PARD3: variants seen among roughly 807,000 people sequenced by gnomAD.
PARD3 encodes the protein par-3 family cell polarity regulator.
A neutral mutation model predicts 155.4 loss-of-function variants in PARD3; 75 were observed. The ratio of observed to expected loss-of-function variants is 0.48; its 90% CI spans 0.40 to 0.58. The LOEUF (loss-of-function observed/expected upper bound fraction) is 0.58, where lower values mean the gene tolerates loss of function less well. Ranked by LOEUF, PARD3 falls within the 20% of genes least tolerant of loss-of-function variation. The pLI, the probability that PARD3 is intolerant of heterozygous loss-of-function variation, is 0.00. For synonymous variants in PARD3, 576 were observed against 610.5 expected (o/e 0.94, Z 0.83); for missense variants, 1,642 against 1,721.7 (o/e 0.95, Z 0.82).
chr10:34,468,581 T>C (rs2078154267), intron 4 of PARD3, among the ~76,000 whole-genome samples: 1 of 152,174 alleles, frequency 6.6e-6, no homozygotes, highest in African/African-American at 2.4e-5. Context: ...TCCTCAAAAC[T>C]TACAAGCTAA....
rs146084130 is a variant in PARD3 at position 34,171,048 on chromosome 10, T to A, written c.3420-39465A>T. Among the ~76,000 whole-genome samples, 399 of 152,304 alleles carry A rather than the reference T, an allele frequency of 2.6e-3. 1 individual carries two copies. Among genetic ancestry groups the A allele is most frequent in the Non-Finnish European group, 4.0e-3 (275 of 68,020 alleles). On this transcript the variant is annotated intron_variant, in intron 22 of 24. Coordinates refer to ENST00000374788, the MANE Select transcript of PARD3 (RefSeq NM_001184785.2). ...TAAATAGAAAACATGATTAATTTGA[T>A]CATTGTTTTCCTCCACCATAAACAC...
chr10:34,606,377 A>G (rs1428895326), intron 2 of PARD3, among the ~76,000 whole-genome samples: 1 of 151,978 alleles, frequency 6.6e-6, no homozygotes, highest in East Asian at 1.9e-4. Context: ...GGCAAGTGGA[A>G]AAATCATGCC....
chr10:34,397,984 T>C (rs1465811318), intron 7 of PARD3, among the ~76,000 whole-genome samples: 2 of 152,220 alleles, frequency 1.3e-5, no homozygotes, highest in African/African-American at 2.4e-5. Flanking sequence ...AATAATATTG[T>C]TTAACTATAA....
intron 22 of PARD3, among the ~76,000 whole-genome samples, chr10:34,264,326 A>C (rs765328475): frequency 3.9e-5 from 6 of 152,200 alleles, no homozygotes; most frequent in Non-Finnish European, 7.3e-5. Flanking sequence ...TATTCAATGC[A>C]TTTCCAATAT....
At chr10:34,456,304 T>C (rs577965099) in intron 4 of PARD3, among the ~76,000 whole-genome samples, 1 of 152,146 alleles carries the variant, frequency 6.6e-6, no homozygotes, top group Admixed American at 6.5e-5. Context: ...GTCAATTTTC[T>C]TTTTTTTCTG....
intron 22 of PARD3, among the ~76,000 whole-genome samples, chr10:34,216,289 G>T (rs1951999784): frequency 6.6e-6 from 1 of 152,190 alleles, no homozygotes; most frequent in South Asian, 2.1e-4. Context: ...ACGACTACCT[G>T]CAGAGAACAA....
chr10:34,366,393 T>G (rs535645346), intron 12 of PARD3, among the ~76,000 whole-genome samples: 12 of 152,286 alleles, frequency 7.9e-5, no homozygotes, highest in African/African-American at 2.9e-4. Context: ...TAAATGCATT[T>G]TCATCATAAC....
chr10:34,143,331 A>AC (rs1234295899), intron 22 of PARD3, among the ~76,000 whole-genome samples: 2 of 152,180 alleles, frequency 1.3e-5, no homozygotes, highest in Non-Finnish European at 1.5e-5. Context: ...AACAACAACA[A>AC]AAAACTGAAA....
In PARD3 at chr10:34,311,516, G is replaced by GT. The variant is rs1957696068; in HGVS notation, c.3065+5590dup. Among the ~76,000 whole-genome samples the GT allele has an allele frequency of 2.0e-5, 3 of 152,332 alleles. No homozygotes were observed. The South Asian group carries it at 6.2e-4, about 32-fold the overall frequency. Reference sequence around the variant, plus strand: ...ACAAGAGAGAAGGCTTCAAACCACAGTAAGGACCATTGGAGATCCACCTGC... The same window carrying GT: ...ACAAGAGAGAAGGCTTCAAACCACAGTTAAGGACCATTGGAGATCCACCTGC... On this transcript the variant is annotated intron_variant, in intron 20 of 24. Coordinates refer to ENST00000374788, the MANE Select transcript of PARD3 (RefSeq NM_001184785.2).
chr10:34,489,858 C>T (rs1384159802), intron 3 of PARD3, among the ~76,000 whole-genome samples: 7 of 152,168 alleles, frequency 4.6e-5, no homozygotes, highest in African/African-American at 1.4e-4. Context: ...AAAATAGGTT[C>T]TATTATTATT....
chr10:34,671,878 A>G (rs2093616302), intron 2 of PARD3, among the ~76,000 whole-genome samples: 1 of 152,140 alleles, frequency 6.6e-6, no homozygotes, highest in African/African-American at 2.4e-5. Flanking sequence ...CTAGATTTAC[A>G]TATCACAAAA....
intron 22 of PARD3, among the ~76,000 whole-genome samples, chr10:34,154,238 G>C (rs373167993): frequency 6.6e-6 from 1 of 152,172 alleles, no homozygotes; most frequent in African/African-American, 2.4e-5. Flanking sequence ...AGGATGGCCT[G>C]TGAGACTGGA....
At chr10:34,361,832 TA>T (rs143237762) in intron 12 of PARD3, among the ~76,000 whole-genome samples, 24 of 150,032 alleles carry the variant, frequency 1.6e-4, no homozygotes, top group African/African-American at 3.9e-4. Context: ...GCTAATGGGT[TA>T]AAAAAAAAAT....
intron 2 of PARD3, among the ~76,000 whole-genome samples, chr10:34,633,148 C>T (rs1564440804): frequency 6.6e-6 from 1 of 152,118 alleles, no homozygotes; most frequent in Non-Finnish European, 1.5e-5. Context: ...TCCATCCCCT[C>T]AAATATTCAA....
intron 12 of PARD3, among the ~76,000 whole-genome samples, chr10:34,368,839 TAAAAAAA>T (rs71033310): frequency 9.2e-6 from 1 of 108,618 alleles, no homozygotes; most frequent in Non-Finnish European, 1.8e-5. Flanking sequence ...ATGAGCAATG[TAAAAAAA>T]AAAAAAAAAA....
At chr10:34,794,965 G>A (rs923610110) in intron 1 of PARD3, among the ~76,000 whole-genome samples, 31 of 152,384 alleles carry the variant, frequency 2.0e-4, no homozygotes, top group African/African-American at 6.7e-4. Context: ...CTGACAAGTG[G>A]AGTCTGCATG....
chr10:34,606,968 A>C (rs2090515845), intron 2 of PARD3, among the ~76,000 whole-genome samples: 1 of 146,030 alleles, frequency 6.8e-6, no homozygotes, highest in African/African-American at 2.7e-5. Flanking sequence ...TCTGTCTTAA[A>C]AAAAAAAAAA....
intron 16 of PARD3, among the ~76,000 whole-genome samples, chr10:34,341,183 G>A (rs1463749768): frequency 1.4e-4 from 16 of 117,328 alleles, no homozygotes; most frequent in African/African-American, 2.2e-4. Flanking sequence ...ATAGCACTCT[G>A]AAAAAAAAAA....
intron 1 of PARD3, among the ~76,000 whole-genome samples, chr10:34,771,308 C>T (rs1018286845): frequency 6.6e-5 from 10 of 152,160 alleles, no homozygotes; most frequent in Admixed American, 3.3e-4. Context: ...TGTGGTTTGA[C>T]TCAACATTGC....
Sources: gnomAD v4.1 joint callset for allele counts (sites outside exome capture counted in the v4.1 genomes callset) on GRCh38, gnomAD v4.1.1 for gene constraint, MANE v1.5 for transcripts, NCBI Gene and HGNC (gene_info 2026-07-23, HGNC 2026-07-21) for gene names.